The following LMO7 variants were observed in gnomAD, a reference collection of about 807,000 sequenced individuals.
The protein encoded by LMO7 is LIM domain only protein 7.
LMO7 carries 120 observed loss-of-function variants against 206.5 expected under a neutral mutation model. That is an observed-to-expected ratio of 0.58 (90% confidence interval 0.50 to 0.68). The LOEUF (loss-of-function observed/expected upper bound fraction) is 0.68, where lower values mean the gene tolerates loss of function less well. LMO7 is among the 30% of genes least tolerant of loss of function. The probability of loss-of-function intolerance (pLI) is 0.00; values close to 1 mark genes in which losing one functional copy is unlikely to be tolerated. For synonymous variants in LMO7, 706 were observed against 681.5 expected (o/e 1.04, Z -0.56); for missense variants, 1,959 against 1,957.9 (o/e 1.00, Z -0.01).
intron 1 of LMO7, among the ~76,000 whole-genome samples, chr13:75,709,174 C>A (rs2042886914): frequency 6.6e-6 from 1 of 152,206 alleles, no homozygotes; most frequent in Non-Finnish European, 1.5e-5. Context: ...ATATGTGCCA[C>A]ACTTTCTTAA....
At chr13:75,694,129 C>G (rs562267029) in intron 1 of LMO7, among the ~76,000 whole-genome samples, 4 of 152,148 alleles carry the variant, frequency 2.6e-5, no homozygotes, top group Non-Finnish European at 5.9e-5. Context: ...AAGTTTCAAT[C>G]TAGGACGGAA....
intron 18 of LMO7, among the ~76,000 whole-genome samples, chr13:75,835,985 C>T (rs1359904691): frequency 6.6e-6 from 1 of 152,024 alleles, no homozygotes; most frequent in African/African-American, 2.4e-5. Flanking sequence ...TATACTCACT[C>T]CTTAGATTGT....
intron 1 of LMO7, among the ~76,000 whole-genome samples, chr13:75,643,360 G>T (rs1245472881): frequency 6.6e-6 from 1 of 152,158 alleles, no homozygotes; most frequent in African/African-American, 2.4e-5. Context: ...CTTTTAGTTT[G>T]GAAGAAATAC....
chr13:75,687,808 C>G (rs2041140749), intron 1 of LMO7, among the ~76,000 whole-genome samples: 1 of 152,114 alleles, frequency 6.6e-6, no homozygotes, highest in Non-Finnish European at 1.5e-5. Context: ...TTATGAACAG[C>G]AATCTTAAAA....
intron 3 of LMO7, among the ~76,000 whole-genome samples, chr13:75,744,051 A>T (rs1277576903): frequency 2.6e-5 from 4 of 152,186 alleles, no homozygotes; most frequent in African/African-American, 9.7e-5. Flanking sequence ...TTGACAGTAA[A>T]TATCTGAATG....
chr13:75,699,150 C>G (rs1317608937), intron 1 of LMO7, among the ~76,000 whole-genome samples: 2 of 152,128 alleles, frequency 1.3e-5, no homozygotes, highest in African/African-American at 4.8e-5. Context: ...GTTCCCTTAT[C>G]AGGAAGTACG....
intron 4 of LMO7, among the ~76,000 whole-genome samples, chr13:75,771,565 A>AAAGACTTTAAAAACAGAATTTTTC (rs1469351839): frequency 6.6e-6 from 1 of 152,228 alleles, no homozygotes; most frequent in African/African-American, 2.4e-5. Flanking sequence ...CAGAATTTTT[A>AAAGACTTTAAAAACAGAATTTTTC]AAGACTTTAA....
At chr13:75,849,342 A>G (rs780491437) in intron 27 of LMO7, 50 bp downstream of exon 27, 8 of 1,406,858 alleles carry the variant, frequency 5.7e-6, no homozygotes, top group Non-Finnish European at 7.0e-6. Flanking sequence ...TGAGGCAGAT[A>G]TTTAATTTGT....
rs367937964 is a variant in LMO7, at chr13:75,781,096, C to CTTTTTTTTTTTTTTTT, written c.318-14297_318-14282dup. ...ATTTTTTTAACCTTACTCTATTTTC[C>CTTTTTTTTTTTTTTTT]TTTTTTTTTTTTTTTTTTTTTTTGC... On this transcript the variant is annotated intron_variant, in intron 4 of 30. Coordinates refer to ENST00000377534, the MANE Select transcript of LMO7 (RefSeq NM_001306080.2). Among the ~76,000 whole-genome samples the CTTTTTTTTTTTTTTTT allele has an allele frequency of 5.7e-4, 24 of 41,914 alleles. 1 individual carries two copies. Among genetic ancestry groups the CTTTTTTTTTTTTTTTT allele is most frequent in the East Asian group, 2.1e-3 (2 of 958 alleles). 27.5% of individuals were successfully genotyped at this position (41,914 alleles called of 152,430 possible). A position where few individuals can be genotyped will look rare whatever the true frequency, so the allele number is the denominator to read the frequency against.
chr13:75,808,039 G>T lies in LMO7; in HGVS notation c.1756G>T (p.Asp586Tyr). 1 of 1,613,948 alleles carries T rather than the reference G, an allele frequency of 6.2e-7. No homozygotes were observed. The change falls in exon 10 of 31, where the codon GAT becomes TAT. Residue 586 changes from aspartate to tyrosine, a missense_variant. Transcript: ENST00000377534. ...ILVPSYRQKK[D>Y]DMLTRKIQSW... ...AGTTCCTTCATATCGGCAGAAGAAA[G>T]ATGACATGCTGACACGTAAGATTCA...
At chr13:75,842,054 C>G in intron 24 of LMO7, 71 bp downstream of exon 24, 1 of 1,157,328 alleles carries the variant, frequency 8.6e-7, no homozygotes, top group Non-Finnish European at 1.2e-6. Flanking sequence ...CACCCGCTTG[C>G]TCTTCCTGTT....
In LMO7 at chr13:75,821,599, G is replaced by C; in HGVS notation, c.2630G>C (p.Arg877Thr). Residue 877 changes from arginine (R) to threonine (T), a missense_variant, in exon 14 of 31, where the codon AGA becomes ACA. By Grantham distance (71) the Arg-to-Thr change is moderately conservative. Transcript: ENST00000377534. ...ACAAGGGGAATCTCATCACTCCCCA[G>C]ATCTTACACGGTAAAAAATGTTCTC... ...SQTRGISSLP[R>T]SYTMDDAWKY... 6.2e-7 allele frequency: 1 copy of C among 1,608,828 alleles called. No individual in the cohort carries two copies. Among genetic ancestry groups the C allele is most frequent in the East Asian group, 2.2e-5 (1 of 44,796 alleles).
At chr13:75,807,203 T>G (rs2141054979) in intron 9 of LMO7, 1 of 353,102 alleles carries the variant, frequency 2.8e-6, no homozygotes, top group Non-Finnish European at 5.2e-6. Flanking sequence ...ACCTAGTCCA[T>G]GCTCCAGCCC....
intron 1 of LMO7, among the ~76,000 whole-genome samples, chr13:75,708,459 A>G (rs2042818999): frequency 1.3e-5 from 2 of 152,118 alleles, no homozygotes; most frequent in Admixed American, 1.3e-4. Context: ...TTGATTTGGG[A>G]ATGGAATTGC....
intron 3 of LMO7, among the ~76,000 whole-genome samples, chr13:75,759,361 T>A (rs1052179159): frequency 1.3e-5 from 2 of 152,202 alleles, no homozygotes; most frequent in African/African-American, 2.4e-5. Flanking sequence ...GGGCCAATTT[T>A]AAAACCATTA....
At chr13:75,848,920 A>G (rs771353524) in intron 26 of LMO7, 159 bp from the exon 27 acceptor site, 2 of 590,058 alleles carry the variant, frequency 3.4e-6, no homozygotes, top group Non-Finnish European at 6.0e-6. Flanking sequence ...ACCAACGTCT[A>G]TTATTTTTTG....
intron 3 of LMO7, among the ~76,000 whole-genome samples, chr13:75,743,715 G>A (rs1379869587): frequency 1.3e-5 from 2 of 152,108 alleles, no homozygotes; most frequent in Admixed American, 1.3e-4. Flanking sequence ...AGGATGGGAG[G>A]AGGGAGAAGA....
chr13:75,749,022 G>A (rs2047077631), intron 3 of LMO7, among the ~76,000 whole-genome samples: 1 of 151,998 alleles, frequency 6.6e-6, no homozygotes, highest in African/African-American at 2.4e-5. Context: ...GCCCAGGCTG[G>A]TCTGGAACTC....
chr13:75,815,199 G>A (rs1021940417), intron 11 of LMO7, among the ~76,000 whole-genome samples: 1 of 152,136 alleles, frequency 6.6e-6, no homozygotes, highest in Non-Finnish European at 1.5e-5. Context: ...ATCTGGGTAG[G>A]AGATGATGTG....
Sources: gnomAD v4.1 joint callset for allele counts (sites outside exome capture counted in the v4.1 genomes callset) on GRCh38, gnomAD v4.1.1 for gene constraint, MANE v1.5 for transcripts, NCBI Gene and HGNC (gene_info 2026-07-23, HGNC 2026-07-21) for gene names.